Variants in RBFOX1 observed in about 807,000 individuals in gnomAD.
RBFOX1 encodes the protein RNA binding protein fox-1 homolog 1.
In RBFOX1, 8 loss-of-function variants were observed where a neutral mutation model predicts 57.7. That is an observed-to-expected ratio of 0.14 (90% confidence interval 0.08 to 0.25). The LOEUF (loss-of-function observed/expected upper bound fraction) is 0.25. Ranked by LOEUF, RBFOX1 falls within the 10% of genes least tolerant of loss-of-function variation. RBFOX1 has a pLI of 1.00. For synonymous variants in RBFOX1, 326 were observed against 222.4 expected (o/e 1.47, Z -4.15); for missense variants, 611 against 548.5 (o/e 1.11, Z -1.14).
At chr16:6,034,819 A>C (rs1218319761) in intron 1 of RBFOX1, among the ~76,000 whole-genome samples, 2 of 152,062 alleles carry the variant, frequency 1.3e-5, no homozygotes, top group African/African-American at 4.8e-5. Flanking sequence ...CCCTGCTCTC[A>C]TCCTGTTTCA....
At chr16:6,772,946 CTA>C (rs2078600856) in intron 3 of RBFOX1, among the ~76,000 whole-genome samples, 1 of 78,810 alleles carries the variant, frequency 1.3e-5, no homozygotes, top group Admixed American at 1.5e-4. Flanking sequence ...GTGTGTGTAT[CTA>C]TATATTTGGG....
In RBFOX1 at chr16:7,664,868, G is replaced by C. The variant is rs907782123; in HGVS notation, c.891-61G>C. On this transcript the variant is annotated intron_variant, in intron 12 of 15. Coordinates refer to ENST00000550418, the MANE Select transcript of RBFOX1 (RefSeq NM_018723.4). ...ACTAACCTCGCCAGTGCAGGGGTTG[G>C]TGTGTCTGCATGGGAAATGCACTAA... is the stretch of plus-strand genomic sequence containing the variant. 5 of 1,613,622 alleles carry C rather than the reference G, an allele frequency of 3.1e-6. No homozygotes were observed. The African/African-American group carries it at 5.3e-5, about 17-fold the overall frequency.
intron 4 of RBFOX1, among the ~76,000 whole-genome samples, chr16:7,241,566 G>T (rs1388638370): frequency 6.6e-6 from 1 of 152,020 alleles, no homozygotes. Context: ...ATTTTGTTTG[G>T]GTTGGGGCAT....
chr16:6,071,027 G>C (rs896545642), intron 1 of RBFOX1, among the ~76,000 whole-genome samples: 2 of 152,068 alleles, frequency 1.3e-5, no homozygotes, highest in African/African-American at 4.8e-5. Flanking sequence ...TTTTATACAT[G>C]CTAAATGGAA....
At chr16:6,316,679 G>C (rs2081160965) in intron 1 of RBFOX1, among the ~76,000 whole-genome samples, 1 of 152,136 alleles carries the variant, frequency 6.6e-6, no homozygotes, top group Non-Finnish European at 1.5e-5. Flanking sequence ...GTGTTGACTT[G>C]CCCGAGTTCA....
At chr16:5,304,925 A>G (rs1321201193) in intron 1 of RBFOX1, among the ~76,000 whole-genome samples, 1 of 152,152 alleles carries the variant, frequency 6.6e-6, no homozygotes, top group Non-Finnish European at 1.5e-5. Flanking sequence ...ATTACTGGCA[A>G]TTTGAATCTT....
intron 3 of RBFOX1, among the ~76,000 whole-genome samples, chr16:5,652,377 G>A (rs770232248): frequency 6.6e-6 from 1 of 152,174 alleles, no homozygotes; most frequent in Non-Finnish European, 1.5e-5. Flanking sequence ...ATGCAGATCG[G>A]TCTGACCCCA....
intron 4 of RBFOX1, among the ~76,000 whole-genome samples, chr16:7,177,221 A>C (rs1190889486): frequency 6.6e-6 from 1 of 152,206 alleles, no homozygotes; most frequent in East Asian, 1.9e-4. Context: ...TTCCAATCAA[A>C]GGGGAAATTT....
At chr16:6,862,874 A>G (rs2059259550) in intron 3 of RBFOX1, among the ~76,000 whole-genome samples, 1 of 149,324 alleles carries the variant, frequency 6.7e-6, no homozygotes, top group African/African-American at 2.5e-5. Context: ...AATCCCAGCT[A>G]CTCAGGAGGT....
At chr16:6,036,365 T>C (rs2095365207) in intron 1 of RBFOX1, among the ~76,000 whole-genome samples, 2 of 151,552 alleles carry the variant, frequency 1.3e-5, no homozygotes, top group South Asian at 4.2e-4. Context: ...GGTGGCATCA[T>C]AGAACCATCC....
chr16:6,832,939 C>G (rs1468854426), intron 3 of RBFOX1, among the ~76,000 whole-genome samples: 1 of 152,144 alleles, frequency 6.6e-6, no homozygotes, highest in African/African-American at 2.4e-5. Flanking sequence ...TCTGGGGAGA[C>G]AGATATTAAA....
At chr16:6,627,144 G>A (rs546362602) in intron 2 of RBFOX1, among the ~76,000 whole-genome samples, 19 of 152,262 alleles carry the variant, frequency 1.2e-4, no homozygotes, top group African/African-American at 4.6e-4. Flanking sequence ...TTAGCATTCT[G>A]TCATCCAACC....
At chr16:7,117,491 G>T (rs566730044) in intron 4 of RBFOX1, among the ~76,000 whole-genome samples, 17 of 152,128 alleles carry the variant, frequency 1.1e-4, no homozygotes, top group Admixed American at 3.3e-4. Flanking sequence ...GTGAGTTTAG[G>T]AAAATATCTA....
At chr16:7,655,701 C>T (rs1011084742) in intron 12 of RBFOX1, among the ~76,000 whole-genome samples, 2 of 152,316 alleles carry the variant, frequency 1.3e-5, no homozygotes, top group East Asian at 3.9e-4. Context: ...CAAAATTGCA[C>T]TTATACCACA....
intron 3 of RBFOX1, among the ~76,000 whole-genome samples, chr16:6,795,109 T>G (rs1336621030): frequency 6.6e-6 from 1 of 152,216 alleles, no homozygotes; most frequent in Non-Finnish European, 1.5e-5. Flanking sequence ...TGGGTATATT[T>G]TATCTACTTT....
At chr16:6,893,800 A>G (rs1347421415) in intron 3 of RBFOX1, among the ~76,000 whole-genome samples, 2 of 152,208 alleles carry the variant, frequency 1.3e-5, no homozygotes, top group African/African-American at 2.4e-5. Context: ...CAAGGTATCT[A>G]AAACTTATAA....
At chr16:7,418,118 C>G (rs966327067) in intron 4 of RBFOX1, among the ~76,000 whole-genome samples, 1 of 152,156 alleles carries the variant, frequency 6.6e-6, no homozygotes, top group Non-Finnish European at 1.5e-5. Flanking sequence ...ACCTCTCCCC[C>G]ACGGCCAACC....
intron 3 of RBFOX1, among the ~76,000 whole-genome samples, chr16:6,954,434 A>T (rs559122310): frequency 8.5e-5 from 13 of 152,296 alleles, no homozygotes; most frequent in African/African-American, 2.9e-4. Context: ...TTTTAAAATT[A>T]CACGACTATA....
intron 2 of RBFOX1, among the ~76,000 whole-genome samples, chr16:6,391,513 A>G (rs1485603566): frequency 6.6e-6 from 1 of 151,504 alleles, no homozygotes; most frequent in African/African-American, 2.4e-5. Context: ...CCGTCTCAAA[A>G]AAAAAAAAAA....
Sources: allele counts gnomAD v4.1 joint callset (sites outside exome capture counted in the v4.1 genomes callset), GRCh38; gene constraint gnomAD v4.1.1; transcripts MANE v1.5; gene names NCBI Gene and HGNC (gene_info 2026-07-23, HGNC 2026-07-21).